The following MARCHF8 variants were observed in gnomAD, a reference collection of about 807,000 sequenced individuals.
The protein encoded by MARCHF8 is membrane associated ring-CH-type finger 8.
Under a neutral mutation model 51.6 loss-of-function variants are expected in MARCHF8, and 40 were observed. That is an observed-to-expected ratio of 0.77 (90% CI 0.60 to 1.01). The LOEUF (loss-of-function observed/expected upper bound fraction) is 1.01. Among genes scored for constraint, MARCHF8 ranks in the 50% least tolerant of loss-of-function variants. The pLI is 0.00. For synonymous variants in MARCHF8, 263 were observed against 280.3 expected (o/e 0.94, Z 0.62); for missense variants, 685 against 708.6 (o/e 0.97, Z 0.38).
At chr10:45,579,583 A>T (rs2044530117) in intron 1 of MARCHF8, among the ~76,000 whole-genome samples, 2 of 152,196 alleles carry the variant, frequency 1.3e-5, no homozygotes, top group Admixed American at 6.5e-5. Context: ...CACCTGTTAA[A>T]TCGGTAATTT....
upstream of MARCHF8, among the ~76,000 whole-genome samples, chr10:45,539,274 A>G (rs2044018012): frequency 1.3e-5 from 2 of 152,248 alleles, no homozygotes; most frequent in African/African-American, 4.8e-5. Context: ...AACCAATGAG[A>G]ACAAACACAC....
intron 3 of MARCHF8, among the ~76,000 whole-genome samples, chr10:45,485,272 T>C (rs1177234575): frequency 6.6e-6 from 1 of 152,160 alleles, no homozygotes; most frequent in Non-Finnish European, 1.5e-5. Context: ...ACCCAGGCAG[T>C]GATAAGTGCG....
intron 2 of MARCHF8, among the ~76,000 whole-genome samples, chr10:45,520,692 G>A (rs1016058672): frequency 5.3e-5 from 8 of 152,198 alleles, no homozygotes; most frequent in Non-Finnish European, 7.3e-5. Context: ...ACGAGGGGGC[G>A]TGAAGCAAAT....
At chr10:45,472,256 C>T (rs557879856) in intron 3 of MARCHF8, among the ~76,000 whole-genome samples, 1 of 152,234 alleles carries the variant, frequency 6.6e-6, no homozygotes, top group South Asian at 2.1e-4. Context: ...TATCCTTGTA[C>T]CCTATTCATT....
intron 1 of MARCHF8, among the ~76,000 whole-genome samples, chr10:45,578,668 GATACCAACT>G (rs1198835382): frequency 6.6e-5 from 10 of 152,198 alleles, no homozygotes; most frequent in Non-Finnish European, 1.5e-4. Flanking sequence ...AAATCTGGCA[GATACCAACT>G]AAACCAACTG....
At chr10:45,583,957 G>C (rs367895615) in intron 1 of MARCHF8, among the ~76,000 whole-genome samples, 9 of 136,006 alleles carry the variant, frequency 6.6e-5, no homozygotes, top group African/African-American at 2.5e-4. Flanking sequence ...AGTGAGCCAA[G>C]ATCGTGCCAC....
intron 2 of MARCHF8, among the ~76,000 whole-genome samples, chr10:45,492,461 C>T (rs2043100579): frequency 6.6e-6 from 1 of 152,136 alleles, no homozygotes; most frequent in African/African-American, 2.4e-5. Flanking sequence ...CCATGTCCGG[C>T]TCAGTTTTTG....
chr10:45,529,546 A>C lies in MARCHF8; in HGVS notation c.102+3564T>G, dbSNP rs147611287. On this transcript the variant is annotated intron_variant, in intron 2 of 7. Coordinates refer to ENST00000453424, the MANE Select transcript of MARCHF8 (RefSeq NM_001282866.2). ...AGAGAAAACAGACAATCTACAGAAC[A>C]GGAGAAAATATCTGCAGACTATGCA... is the stretch of plus-strand genomic sequence containing the variant. Among the ~76,000 whole-genome samples the C allele has an allele frequency of 6.0e-3, 912 of 152,330 alleles. 10 individuals carry two copies. The highest frequency in any genetic ancestry group is 0.021 in the African/African-American group (854 of 41,574).
intron 3 of MARCHF8, among the ~76,000 whole-genome samples, chr10:45,486,163 T>A (rs555520948): frequency 6.6e-6 from 1 of 152,152 alleles, no homozygotes; most frequent in South Asian, 2.1e-4. Flanking sequence ...AGTAATCAAA[T>A]GTTCTAAAGG....
At position 45,458,471 on chromosome 10, in the gene MARCHF8, A is replaced by AT; in HGVS notation, c.1489dup (p.Met497AsnfsTer6). 1 of 1,613,672 alleles carries AT rather than the reference A, an allele frequency of 6.2e-7. No homozygotes were observed. The highest frequency in any genetic ancestry group is 8.5e-7 in the Non-Finnish European group (1 of 1,179,882). ...CACATACACTTTACACTGAACATAC[A>AT]TAAAAAGAAGTCCTCCGGTGAAGCC... On this transcript the variant is annotated frameshift_variant, in exon 8 of 8. Coordinates refer to ENST00000453424, the MANE Select transcript of MARCHF8 (RefSeq NM_001282866.2). LOFTEE classifies it high-confidence loss of function.
chr10:45,473,116 A>G (rs1486331118), intron 3 of MARCHF8, among the ~76,000 whole-genome samples: 1 of 152,226 alleles, frequency 6.6e-6, no homozygotes, highest in Admixed American at 6.5e-5. Context: ...GTCAGCAAGA[A>G]TTCCTTGTAA....
At chr10:45,459,887 G>C (rs1034286281) in intron 6 of MARCHF8, 2 of 985,184 alleles carry the variant, frequency 2.0e-6, no homozygotes, top group African/African-American at 3.5e-5. Flanking sequence ...ACTGGTTTCC[G>C]AATCAGGAGA....
At position 45,468,639 on chromosome 10, in the gene MARCHF8, C is replaced by G. The variant is rs188689716; in HGVS notation, c.154-4312G>C. On this transcript the variant is annotated intron_variant, in intron 3 of 7. Transcript: ENST00000453424. The stretch of plus-strand genomic sequence containing the variant: ...GGCTGGATAAGGATGGTTAAGAGGC[C>G]AGAAGAGCTCATGTTTACAACTCAT... Among the ~76,000 whole-genome samples the G allele has an allele frequency of 3.3e-5, 5 of 152,262 alleles. No homozygotes were observed. The East Asian group carries it at 7.7e-4, about 23-fold the overall frequency.
At chr10:45,593,535 T>G (rs2044704131) in intron 1 of MARCHF8, 1 of 152,254 alleles carries the variant, frequency 6.6e-6, no homozygotes, top group African/African-American at 2.4e-5. Flanking sequence ...TCAGTTTTCA[T>G]GCTTTTTAGC....
chr10:45,527,454 A>G (rs940841100), intron 2 of MARCHF8, among the ~76,000 whole-genome samples: 5 of 152,170 alleles, frequency 3.3e-5, no homozygotes, highest in Non-Finnish European at 7.3e-5. Context: ...ACAGAAATAC[A>G]AAAGATCATC....
Position 45,461,142 on chromosome 10 carries a change from A to G in MARCHF8, c.1269+89T>C, listed in dbSNP as rs528354202. ...CCCAGCTTTTTAAGGAAATGAACGC[A>G]GGCAAGCCATGACCTCATGATCTGA... On this transcript the variant is annotated intron_variant, in intron 6 of 7. Coordinates refer to ENST00000453424, the MANE Select transcript of MARCHF8 (RefSeq NM_001282866.2). 16 of 997,922 alleles carry G rather than the reference A, an allele frequency of 1.6e-5. No individual in the cohort carries two copies. The South Asian group carries it at 2.1e-4, about 13-fold the overall frequency. The allele number at this position is 997,922 out of a possible 1,614,324, so 61.8% of individuals were successfully genotyped here.
intron 3 of MARCHF8, among the ~76,000 whole-genome samples, chr10:45,470,229 G>A (rs1046868463): frequency 2.6e-5 from 4 of 152,132 alleles, no homozygotes; most frequent in African/African-American, 7.2e-5. Flanking sequence ...TCTCTGCTCT[G>A]GTCAGTCTCC....
At chr10:45,516,720 C>A (rs767223320) in intron 2 of MARCHF8, among the ~76,000 whole-genome samples, 1 of 151,976 alleles carries the variant, frequency 6.6e-6, no homozygotes, top group Non-Finnish European at 1.5e-5. Flanking sequence ...GCTGAGACTG[C>A]GCCACTGTGC....
At chr10:45,563,379 A>T (rs1049359653) in intron 1 of MARCHF8, among the ~76,000 whole-genome samples, 1 of 152,138 alleles carries the variant, frequency 6.6e-6, no homozygotes, top group African/African-American at 2.4e-5. Flanking sequence ...ATATGAGTAT[A>T]TGCAGGCTGT....
Sources: gnomAD v4.1 joint callset for allele counts (sites outside exome capture counted in the v4.1 genomes callset) on GRCh38, gnomAD v4.1.1 for gene constraint, MANE v1.5 for transcripts, NCBI Gene and HGNC (gene_info 2026-07-23, HGNC 2026-07-21) for gene names.